BRIP1: variants seen among roughly 807,000 people sequenced by gnomAD.
BRIP1 encodes BRCA1 interacting DNA helicase 1.
A neutral mutation model predicts 119.7 loss-of-function variants in BRIP1; 88 were observed. That is an observed-to-expected ratio of 0.74 (90% CI 0.62 to 0.88). BRIP1 has a LOEUF of 0.88. Among genes scored for constraint, BRIP1 ranks in the 40% least tolerant of loss-of-function variants. The pLI, the probability that BRIP1 is intolerant of heterozygous loss-of-function variation, is 0.00. For synonymous variants in BRIP1, 443 were observed against 496.5 expected, an observed-to-expected ratio of 0.89 and a Z score of 1.43; for missense variants, 1,259 against 1,455.4, an observed-to-expected ratio of 0.87 and a Z score of 2.20.
At chr17:61,849,343 C>T (rs1347634790) in intron 4 of BRIP1, 87 bp from the exon 5 acceptor site, 4 of 1,140,082 alleles carry the variant, frequency 3.5e-6, no homozygotes, top group Non-Finnish European at 5.1e-6. Context: ...GGATGTAAGG[C>T]TTATTTCTAG....
chr17:61,787,633 C>CT (rs923575968), intron 10 of BRIP1, among the ~76,000 whole-genome samples: 9 of 150,772 alleles, frequency 6.0e-5, no homozygotes, highest in Admixed American at 1.3e-4. Flanking sequence ...ATGTCTTTTT[C>CT]TTTTTTTTAT....
intron 16 of BRIP1, among the ~76,000 whole-genome samples, chr17:61,719,183 C>G (rs184008493): frequency 2.0e-5 from 3 of 148,626 alleles, no homozygotes; most frequent in Non-Finnish European, 3.0e-5. Flanking sequence ...ATTGCCCCCC[C>G]CCCATGTTTA....
At position 61,686,949 on chromosome 17, in the gene BRIP1, A is replaced by C. The variant is rs1157457356; in HGVS notation, c.2576-784T>G. Among the ~76,000 whole-genome samples the C allele has an allele frequency of 2.0e-5, 3 of 152,218 alleles. No homozygotes were observed. The East Asian group carries it at 5.8e-4, about 29-fold the overall frequency. On this transcript the variant is annotated intron_variant, in intron 18 of 19. Coordinates refer to ENST00000259008, the MANE Select transcript of BRIP1 (RefSeq NM_032043.3). The surrounding 1 kb of genome is among the most constrained non-coding windows in gnomAD (Gnocchi z 5.4). ...GGAGGAATTAGTTTTAAAAGTCACT[A>C]TAGGGTAAAAATTTAAGTTCTAGAT...
At position 61,807,127 on chromosome 17, in the gene BRIP1, G is replaced by C. The variant is rs939643994; in HGVS notation, c.918+1340C>G. On this transcript the variant is annotated intron_variant, in intron 7 of 19. Transcript: ENST00000259008. The surrounding 1 kb of genome is among the most constrained non-coding windows in gnomAD (Gnocchi z 4.5). ...CAAAAAATAAATTTCAAGCATTTGAGGAATTCAGCAGATCACTTAGTCACT... is the reference window on the plus strand; with the variant it reads ...CAAAAAATAAATTTCAAGCATTTGACGAATTCAGCAGATCACTTAGTCACT... Among the ~76,000 whole-genome samples the C allele has an allele frequency of 2.0e-5, 3 of 152,156 alleles. No homozygotes were observed. Among genetic ancestry groups the C allele is most frequent in the Non-Finnish European group, 4.4e-5 (3 of 68,026 alleles).
rs145338121 is a variant in BRIP1, at chr17:61,681,650, C to G, written c.*1646G>C. ...CTAATCGAGTATTTGGTATTTACTG[C>G]TCAATGATCAACTAGAAAAAATATA... On this transcript the variant is annotated 3_prime_UTR_variant, in exon 20 of 20. Transcript: ENST00000259008. The surrounding 1 kb of genome is among the most constrained non-coding windows in gnomAD (Gnocchi z 5.1). The G allele has an allele frequency of 8.5e-5, 17 of 199,064 alleles. No homozygotes were observed. The East Asian group carries it at 1.3e-3, about 16-fold the overall frequency. 12.3% of individuals were successfully genotyped at this position (199,064 alleles called of 1,614,324 possible).
In BRIP1 at chr17:61,793,799, AATC is replaced by A; in HGVS notation, c.1341-73_1341-71del. On this transcript the variant is annotated intron_variant, in intron 9 of 19. Transcript: ENST00000259008. This position sits in a 1 kb window ranked among gnomAD's most constrained non-coding sequence, Gnocchi z 5.2. ...ACACACTATTTCAGCAGAACAAGAG[AATC>A]ATCATTATTGTCATGCGTTGATCTG... 6.7e-7 allele frequency: 1 copy of A among 1,489,874 alleles called. No individual in the cohort carries two copies. The highest frequency in any genetic ancestry group is 1.2e-5 in the South Asian group (1 of 82,706). 92.3% of individuals were successfully genotyped at this position (1,489,874 alleles called of 1,614,324 possible).
chr17:61,731,602 T>C (rs1350244286), intron 16 of BRIP1, among the ~76,000 whole-genome samples: 1 of 152,250 alleles, frequency 6.6e-6, no homozygotes, highest in African/African-American at 2.4e-5. Flanking sequence ...TAACACATGC[T>C]GTTCTCTCTG....
intron 14 of BRIP1, among the ~76,000 whole-genome samples, chr17:61,750,593 T>C (rs558308526): frequency 6.6e-6 from 1 of 151,986 alleles, no homozygotes; most frequent in South Asian, 2.1e-4. Flanking sequence ...ATGCAAAGCA[T>C]ATGGCTGATA....
chr17:61,788,088 A>G (rs2077761067), intron 10 of BRIP1, among the ~76,000 whole-genome samples: 1 of 152,222 alleles, frequency 6.6e-6, no homozygotes, highest in African/African-American at 2.4e-5. Context: ...TCTACATGGA[A>G]AATTTAAGAT....
At chr17:61,784,780 A>G (rs1682800871) in intron 10 of BRIP1, among the ~76,000 whole-genome samples, 1 of 152,076 alleles carries the variant, frequency 6.6e-6, no homozygotes, top group South Asian at 2.1e-4. Context: ...CTCTTGCCAT[A>G]TGATCTGTAC....
At chr17:61,737,737 T>C (rs1022426090) in intron 16 of BRIP1, among the ~76,000 whole-genome samples, 3 of 152,330 alleles carry the variant, frequency 2.0e-5, no homozygotes, top group South Asian at 2.1e-4. Context: ...TTAATCATTA[T>C]AAAAACTGCA....
Position 61,709,402 on chromosome 17 carries a change from CA to C in BRIP1, c.2492+6548del, listed in dbSNP as rs1185285835. On this transcript the variant is annotated intron_variant, in intron 17 of 19. Coordinates refer to ENST00000259008, the MANE Select transcript of BRIP1 (RefSeq NM_032043.3). The surrounding 1 kb of genome is among the most constrained non-coding windows in gnomAD (Gnocchi z 5.0). ...TAAATGTTCAATTTTTCTACAAAGA[CA>C]AAAAAAATCTAAATTTTATAGGGCA... Among the ~76,000 whole-genome samples the C allele has an allele frequency of 1.3e-5, 2 of 151,436 alleles. No homozygotes were observed. Among genetic ancestry groups the C allele is most frequent in the Admixed American group, 6.6e-5 (1 of 15,182 alleles).
chr17:61,771,559 T>A (rs532954086), intron 14 of BRIP1, among the ~76,000 whole-genome samples: 1 of 152,116 alleles, frequency 6.6e-6, no homozygotes, highest in Non-Finnish European at 1.5e-5. Context: ...AAACATAAAA[T>A]AACAAGTATT....
Position 61,808,215 on chromosome 17 carries a change from T to G in BRIP1, c.918+252A>C, listed in dbSNP as rs943794637. 2.0e-4 allele frequency among the ~76,000 whole-genome samples: 31 copies of G among 152,134 alleles called. No homozygotes were observed. The highest frequency in any genetic ancestry group is 5.9e-5 in the Non-Finnish European group (4 of 68,000). On this transcript the variant is annotated intron_variant, in intron 7 of 19. Transcript: ENST00000259008. This position sits in a 1 kb window ranked among gnomAD's most constrained non-coding sequence, Gnocchi z 4.1. ...GGTAGCAGGATTTAAAAGAAGAAAC[T>G]AAGATGTCTGACTACAACAGAAATT...
At position 61,680,476 on chromosome 17, in the gene BRIP1, A is replaced by ATTAC. The variant is rs1555571881; in HGVS notation, c.*2819_*2820insGTAA. 1.3e-5 allele frequency among the ~76,000 whole-genome samples: 1 copy of ATTAC among 74,700 alleles called. No individual in the cohort carries two copies. Among genetic ancestry groups the ATTAC allele is most frequent in the African/African-American group, 5.2e-5 (1 of 19,196 alleles). 49.0% of individuals were successfully genotyped at this position (74,700 alleles called of 152,430 possible). A position where few individuals can be genotyped will look rare whatever the true frequency, so the allele number is the denominator to read the frequency against. ...ATGTAGTTTACCAATTCTAAAGGTA[A>ATTAC]TTTCTTTTTTTTTTTTTTTTTGAGA... On this transcript the variant is annotated 3_prime_UTR_variant, in exon 20 of 20. Transcript: ENST00000259008.
intron 11 of BRIP1, among the ~76,000 whole-genome samples, chr17:61,783,436 T>C (rs918643468): frequency 1.3e-5 from 2 of 152,168 alleles, no homozygotes; most frequent in African/African-American, 4.8e-5. Context: ...ACAGAATTCC[T>C]ATTTGGAATA....
Position 61,815,114 on chromosome 17 carries a change from G to GAA in BRIP1, c.628-6359_628-6358dup, listed in dbSNP as rs11300875. On this transcript the variant is annotated intron_variant, in intron 6 of 19. Transcript: ENST00000259008. The surrounding 1 kb of genome is among the most constrained non-coding windows in gnomAD (Gnocchi z 4.1). Reference sequence around the variant, plus strand: ...TACCTGAAAAATGCTAGAAGTGCTGGAAAAAAAAAAAAAAACCCACAGTAA... The same window carrying GAA: ...TACCTGAAAAATGCTAGAAGTGCTGGAAAAAAAAAAAAAAAAACCCACAGTAA... Among the ~76,000 whole-genome samples, 2 of 141,794 alleles carry GAA rather than the reference G, an allele frequency of 1.4e-5. No homozygotes were observed. The highest frequency in any genetic ancestry group is 5.2e-5 in the African/African-American group (2 of 38,804). 93.0% of individuals were successfully genotyped at this position (141,794 alleles called of 152,430 possible).
In BRIP1 at chr17:61,693,333, T is replaced by TTAATAAGA; in HGVS notation, c.2575+89_2575+96dup. On this transcript the variant is annotated intron_variant, in intron 18 of 19. Coordinates refer to ENST00000259008, the MANE Select transcript of BRIP1 (RefSeq NM_032043.3). The surrounding 1 kb of genome is among the most constrained non-coding windows in gnomAD (Gnocchi z 4.2). ...TAGTTAACAATATTGTACTGTGCAC[T>TTAATAAGA]TAATAAGATAGTAGAGCTCATGTTA... 9.2e-7 allele frequency: 1 copy of TTAATAAGA among 1,091,702 alleles called. No individual in the cohort carries two copies. Among genetic ancestry groups the TTAATAAGA allele is most frequent in the Admixed American group, 1.7e-5 (1 of 57,432 alleles). 67.6% of individuals were successfully genotyped at this position (1,091,702 alleles called of 1,614,324 possible). A position where few individuals can be genotyped will look rare whatever the true frequency, so the allele number is the denominator to read the frequency against.
chr17:61,772,938 G>A (rs2077480571), intron 14 of BRIP1, among the ~76,000 whole-genome samples: 1 of 151,878 alleles, frequency 6.6e-6, no homozygotes, highest in African/African-American at 2.4e-5. Flanking sequence ...GGGGATGTGG[G>A]ACTGGGAAGA....
Sources: allele counts gnomAD v4.1 joint callset (sites outside exome capture counted in the v4.1 genomes callset), GRCh38; gene constraint gnomAD v4.1.1; non-coding constraint Gnocchi (gnomAD v3.1); transcripts MANE v1.5; gene names NCBI Gene and HGNC (gene_info 2026-07-23, HGNC 2026-07-21).